FAN1: variants seen among roughly 807,000 people sequenced by gnomAD.
FAN1 encodes the protein FANCD2 and FANCI associated nuclease 1.
FAN1 carries 91 observed loss-of-function variants against 104.9 expected under a neutral mutation model. The observed-to-expected ratio is 0.87, with a 90% CI of 0.73 to 1.03. The LOEUF is 1.03. FAN1 is among the 50% of genes least tolerant of loss of function. FAN1 has a pLI of 0.00. For missense variants in FAN1, 1,263 were observed against 1,239.9 expected (o/e 1.02, Z -0.28); for synonymous variants, 478 against 457.6 (o/e 1.04, Z -0.57).
At chr15:30,933,313 G>A (rs529811486) in intron 13 of FAN1, among the ~76,000 whole-genome samples, 1 of 152,122 alleles carries the variant, frequency 6.6e-6, no homozygotes, top group South Asian at 2.1e-4. Context: ...CACAAATTTA[G>A]TAGTTGTTTT....
chr15:30,905,893 A>T lies in FAN1; in HGVS notation c.1230A>T (p.Leu410Phe), dbSNP rs774084713. The T allele has an allele frequency of 1.1e-5, 18 of 1,611,282 alleles. No individual in the cohort carries two copies. In the East Asian group the frequency reaches 3.1e-4, roughly 28 times the overall value. ...EKGIVTKFYQ[L>F]SATGQKLYVR... ...GAATTGTAACTAAATTTTATCAGTT[A>T]TCAGGTATCTTACGCACGTGTTTGT... The change falls in exon 2 of 15, where the codon TTA (leucine) becomes TTT (phenylalanine). Residue 410 changes from leucine (L) to phenylalanine (F), a missense_variant. By Grantham distance (22) the Leu-to-Phe change is conservative. This residue lies in a region of FAN1 where 682 missense variants were observed against 571.1 expected (regional missense o/e 1.19). Transcript: ENST00000362065.
chr15:30,927,748 G>A, intron 10 of FAN1: 3 of 985,738 alleles, frequency 3.0e-6, no homozygotes, highest in Non-Finnish European at 3.6e-6. Context: ...CTGTCGGGAG[G>A]GCTGATGTGC....
At chr15:30,906,313 T>C (rs984881349) in intron 2 of FAN1, 9 of 461,084 alleles carry the variant, frequency 2.0e-5, no homozygotes, top group African/African-American at 1.4e-4. Flanking sequence ...TAAAATACAA[T>C]ACAGGAAGAA....
In FAN1 at chr15:30,903,935, C is replaced by G. The variant is rs1008257624; in HGVS notation, c.-229C>G. 4.6e-5 allele frequency: 7 copies of G among 152,458 alleles called. No homozygotes were observed. Among genetic ancestry groups the G allele is most frequent in the Non-Finnish European group, 7.3e-5 (5 of 68,268 alleles). The allele number at this position is 152,458 out of a possible 1,614,324, so 9.4% of individuals were successfully genotyped here. A position where few individuals can be genotyped will look rare whatever the true frequency, so the allele number is the denominator to read the frequency against. On this transcript the variant is annotated 5_prime_UTR_variant, in exon 1 of 15. Transcript: ENST00000362065. The stretch of plus-strand genomic sequence containing the variant: ...GCGGGGATCTTGGGTGACAGGGCAC[C>G]GAGGGAAGGAGGACGCGAGGGCAGC...
chr15:30,904,673 G>A lies in FAN1; in HGVS notation c.10G>A (p.Glu4Lys), dbSNP rs369398471. 5.0e-6 allele frequency: 8 copies of A among 1,607,420 alleles called. No homozygotes were observed. Among genetic ancestry groups the A allele is most frequent in the Non-Finnish European group, 6.8e-6 (8 of 1,177,082 alleles). The change falls in exon 2 of 15, where the codon GAA (glutamate) becomes AAA (lysine). Residue 4 changes from glutamate (E) to lysine (K), a missense_variant. Transcript: ENST00000362065. MMS[E>K]GKPPDKKRPR... ...AGTTTTTCTAATACTCATGATGTCA[G>A]AAGGGAAACCTCCTGACAAAAAAAG...
chr15:30,910,595 T>C lies in FAN1; in HGVS notation c.1376-19T>C, dbSNP rs1356843832. ...AAAATAGTAAAATTTAAAAAAACTTTTTTTTTTAACCATTTCAGAATCTGA... is the reference window on the plus strand; with the variant it reads ...AAAATAGTAAAATTTAAAAAAACTTCTTTTTTTAACCATTTCAGAATCTGA... On this transcript the variant is annotated intron_variant, in intron 3 of 14. Coordinates refer to ENST00000362065, the MANE Select transcript of FAN1 (RefSeq NM_014967.5). 1.3e-6 allele frequency: 2 copies of C among 1,487,674 alleles called. No individual in the cohort carries two copies. The highest frequency in any genetic ancestry group is 2.7e-5 in the South Asian group (2 of 72,826). The allele number at this position is 1,487,674 out of a possible 1,614,324, so 92.2% of individuals were successfully genotyped here.
In FAN1 at chr15:30,904,857, C is replaced by T; in HGVS notation, c.194C>T (p.Ala65Val). The change falls in exon 2 of 15, where the codon GCT becomes GTT. Residue 65 changes from alanine (A) to valine (V), a missense_variant. Physicochemically the swap from Ala to Val is moderately conservative, Grantham distance 64 (BLOSUM62 0). Around this residue, in one of 2 missense-constraint regions of FAN1, gnomAD observed 682 missense variants for 571.1 expected, o/e 1.19. Transcript: ENST00000362065. ...DLNRHLDEMC[A>V]NNDFVQVDPG... ...AACCGGCACCTTGATGAAATGTGTGCTAACAATGACTTCGTTCAAGTGGAT... is the reference window on the plus strand; with the variant it reads ...AACCGGCACCTTGATGAAATGTGTGTTAACAATGACTTCGTTCAAGTGGAT... The T allele has an allele frequency of 3.1e-6, 5 of 1,613,400 alleles. No homozygotes were observed. The highest frequency in any genetic ancestry group is 4.2e-6 in the Non-Finnish European group (5 of 1,179,414).
intron 12 of FAN1, among the ~76,000 whole-genome samples, chr15:30,930,068 C>T (rs1467138701): frequency 6.9e-6 from 1 of 145,644 alleles, no homozygotes; most frequent in Non-Finnish European, 1.5e-5. Flanking sequence ...TGAGAATACC[C>T]TATCCCCCTG....
chr15:30,934,223 T>A (rs1329223403), intron 13 of FAN1, among the ~76,000 whole-genome samples: 1 of 152,162 alleles, frequency 6.6e-6, no homozygotes, highest in Admixed American at 6.5e-5. Flanking sequence ...TGTCCGATAT[T>A]GTCAACATGT....
intron 8 of FAN1, among the ~76,000 whole-genome samples, chr15:30,923,773 C>G (rs7178533): frequency 0.2 from 31,156 of 152,236 alleles, 3,663 homozygotes; most frequent in African/African-American, 0.33. Context: ...TCTGGATGGC[C>G]TGAGCCTTCA....
chr15:30,940,468 G>A (rs1227351372), intron 14 of FAN1: 2 of 985,322 alleles, frequency 2.0e-6, no homozygotes, highest in Non-Finnish European at 2.4e-6. Context: ...CATCTGTGCA[G>A]GTGCCCAACT....
intron 10 of FAN1, chr15:30,928,000 C>G: frequency 1.0e-6 from 1 of 985,834 alleles, no homozygotes; most frequent in African/African-American, 1.7e-5. Context: ...AAAGCCTTGA[C>G]TATCGGAAGC....
chr15:30,926,766 G>T (rs1413036059), intron 10 of FAN1: 17 of 985,292 alleles, frequency 1.7e-5, no homozygotes, highest in African/African-American at 3.5e-5. Context: ...AGGCTGGGAC[G>T]TGGGAGCGCT....
chr15:30,934,840 TCTTCC>T (rs1293193484), intron 13 of FAN1, among the ~76,000 whole-genome samples: 6 of 152,238 alleles, frequency 3.9e-5, no homozygotes, highest in Non-Finnish European at 8.8e-5. Flanking sequence ...ATAATATATA[TCTTCC>T]CTTCCAGCCT....
chr15:30,915,230 T>G (rs998753544), intron 5 of FAN1, among the ~76,000 whole-genome samples: 1 of 152,040 alleles, frequency 6.6e-6, no homozygotes, highest in Non-Finnish European at 1.5e-5. Context: ...ATGTTCTCAC[T>G]CATATGTGGG....
chr15:30,939,761 C>G, intron 14 of FAN1: 1 of 985,076 alleles, frequency 1.0e-6, no homozygotes, highest in Non-Finnish European at 1.2e-6. Context: ...ATTGTGATTA[C>G]ACTGTCAATG....
intron 4 of FAN1, chr15:30,911,513 T>C: frequency 1.0e-6 from 1 of 983,826 alleles, no homozygotes. Flanking sequence ...TACTAATCTT[T>C]AATGAAACAT....
chr15:30,904,124 G>C (rs1465879743), intron 1 of FAN1, 113 bp downstream of exon 1: 1 of 152,244 alleles, frequency 6.6e-6, no homozygotes, highest in African/African-American at 2.4e-5. Flanking sequence ...GCAGCTGCCC[G>C]CGGCTGGGGC....
chr15:30,932,030 G>A (rs921237761), intron 13 of FAN1, among the ~76,000 whole-genome samples: 1 of 151,584 alleles, frequency 6.6e-6, no homozygotes, highest in Admixed American at 6.6e-5. Flanking sequence ...AGACCATCCT[G>A]GCTAACATGG....
Sources: gnomAD v4.1 joint callset for allele counts (sites outside exome capture counted in the v4.1 genomes callset) on GRCh38, gnomAD v4.1.1 for gene constraint, gnomAD v4.1.1 regional missense constraint, MANE v1.5 for transcripts, NCBI Gene and HGNC (gene_info 2026-07-23, HGNC 2026-07-21) for gene names.